RGS7BP: variants seen among roughly 807,000 people sequenced by gnomAD.
RGS7BP encodes regulator of G protein signaling 7 binding protein.
A neutral mutation model predicts 31.3 loss-of-function variants in RGS7BP; 9 were observed. The observed-to-expected ratio is 0.29, with a 90% CI of 0.17 to 0.50. RGS7BP has a LOEUF of 0.50. RGS7BP is among the 20% of genes least tolerant of loss of function. The pLI is 0.98. For missense variants in RGS7BP, 274 were observed against 322.0 expected, an observed-to-expected ratio of 0.85 and a Z score of 1.14; for synonymous variants, 115 against 120.1, an observed-to-expected ratio of 0.96 and a Z score of 0.28.
Position 64,579,799 on chromosome 5 carries a change from A to G in RGS7BP, c.463+3895A>G, listed in dbSNP as rs527476158. On this transcript the variant is annotated intron_variant, in intron 3 of 5. Coordinates refer to ENST00000334025, the MANE Select transcript of RGS7BP (RefSeq NM_001029875.3). ...TTTAATTTTTTAGTTACACATTTGTATGATACATCCTTTCTATTTCTTTAT... is the reference window on the plus strand; with the variant it reads ...TTTAATTTTTTAGTTACACATTTGTGTGATACATCCTTTCTATTTCTTTAT... Among the ~76,000 whole-genome samples the G allele has an allele frequency of 3.3e-5, 5 of 152,268 alleles. No homozygotes were observed. In the South Asian group the frequency reaches 1.0e-3, roughly 32 times the overall value.
chr5:64,556,757 G>A (rs1047087479), intron 2 of RGS7BP, among the ~76,000 whole-genome samples: 2 of 151,452 alleles, frequency 1.3e-5, no homozygotes. Flanking sequence ...CTTTATCCCT[G>A]CTATTATTTT....
chr5:64,538,485 AT>A (rs199619865), intron 2 of RGS7BP, among the ~76,000 whole-genome samples: 16 of 56,998 alleles, frequency 2.8e-4, no homozygotes, highest in African/African-American at 7.8e-4. Context: ...GCATGTAGCC[AT>A]TTTTTTTCCT....
chr5:64,526,648 G>A (rs1272459644), intron 2 of RGS7BP, among the ~76,000 whole-genome samples: 2 of 152,142 alleles, frequency 1.3e-5, no homozygotes, highest in African/African-American at 4.8e-5. Flanking sequence ...TACCTCTGTA[G>A]GACAGTTAGG....
At chr5:64,507,680 G>T in intron 1 of RGS7BP, 31 bp from the exon 2 acceptor site, 1 of 1,467,554 alleles carries the variant, frequency 6.8e-7, no homozygotes, top group Non-Finnish European at 9.3e-7. Flanking sequence ...GAAATGTTTG[G>T]TAAAAAAAAA....
intron 2 of RGS7BP, among the ~76,000 whole-genome samples, chr5:64,516,330 G>A (rs1052756018): frequency 1.3e-5 from 2 of 152,086 alleles, no homozygotes; most frequent in African/African-American, 4.8e-5. Flanking sequence ...AAGGTACCAA[G>A]TCCTGTAGTG....
intron 2 of RGS7BP, among the ~76,000 whole-genome samples, chr5:64,563,155 G>GGTA (rs1742092778): frequency 2.0e-5 from 3 of 151,822 alleles, no homozygotes; most frequent in Non-Finnish European, 4.4e-5. Context: ...GGGTAGAAAG[G>GGTA]GAAAGTAGGG....
At chr5:64,545,656 A>C (rs1741641788) in intron 2 of RGS7BP, among the ~76,000 whole-genome samples, 1 of 152,234 alleles carries the variant, frequency 6.6e-6, no homozygotes, top group Non-Finnish European at 1.5e-5. Flanking sequence ...AGTATAATTC[A>C]AATGGTAGAT....
At chr5:64,517,800 T>C (rs1749013363) in intron 2 of RGS7BP, among the ~76,000 whole-genome samples, 1 of 152,210 alleles carries the variant, frequency 6.6e-6, no homozygotes, top group Non-Finnish European at 1.5e-5. Flanking sequence ...GACTTAAGTA[T>C]AATTTTCACA....
chr5:64,572,960 C>A, intron 2 of RGS7BP, among the ~76,000 whole-genome samples: 1 of 94,118 alleles, frequency 1.1e-5, no homozygotes, highest in Non-Finnish European at 2.0e-5. Flanking sequence ...TAATGCTATC[C>A]CTCCCCCCTC....
rs753709724 is a variant in RGS7BP at position 64,587,538 on chromosome 5, G to A, written c.464-7172G>A. Among the ~76,000 whole-genome samples, 17 of 152,134 alleles carry A rather than the reference G, an allele frequency of 1.1e-4. 1 individual carries two copies. Among genetic ancestry groups the A allele is most frequent in the Non-Finnish European group, 2.4e-4 (16 of 68,038 alleles). On this transcript the variant is annotated intron_variant, in intron 3 of 5. Coordinates refer to ENST00000334025, the MANE Select transcript of RGS7BP (RefSeq NM_001029875.3). ...ATGCTCAAAATTGCATTAAGGAAAA[G>A]CTGGGCTACCCCACACTGAGCAGCA...
chr5:64,561,324 A>T (rs1742049475), intron 2 of RGS7BP, among the ~76,000 whole-genome samples: 1 of 152,214 alleles, frequency 6.6e-6, no homozygotes, highest in Non-Finnish European at 1.5e-5. Context: ...ACAATATTTT[A>T]TAAAATGTAT....
chr5:64,553,716 TA>T lies in RGS7BP; in HGVS notation c.333-22056del, dbSNP rs551698806. On this transcript the variant is annotated intron_variant, in intron 2 of 5. Transcript: ENST00000334025. ...AAATATTAATAATATCTATACATCA[TA>T]AGGTCTGTGTAAGATTGAGTGAGAT... Among the ~76,000 whole-genome samples, 275 of 152,176 alleles carry T rather than the reference TA, an allele frequency of 1.8e-3. 1 individual carries two copies. The highest frequency in any genetic ancestry group is 6.3e-3 in the African/African-American group (261 of 41,526).
chr5:64,587,687 G>T (rs1239995292), intron 3 of RGS7BP, among the ~76,000 whole-genome samples: 1 of 152,148 alleles, frequency 6.6e-6, no homozygotes, highest in East Asian at 1.9e-4. Flanking sequence ...GAAAAAGAAA[G>T]TGAGCACATG....
intron 5 of RGS7BP, among the ~76,000 whole-genome samples, chr5:64,598,958 A>G (rs1743150338): frequency 6.6e-6 from 1 of 152,236 alleles, no homozygotes; most frequent in Admixed American, 6.5e-5. Flanking sequence ...AAGGTCACAC[A>G]GACTGTAAGT....
At chr5:64,521,678 C>T (rs978022070) in intron 2 of RGS7BP, among the ~76,000 whole-genome samples, 1 of 152,140 alleles carries the variant, frequency 6.6e-6, no homozygotes, top group Non-Finnish European at 1.5e-5. Context: ...AAGAATAAAC[C>T]ATTTTCCCTT....
intron 3 of RGS7BP, among the ~76,000 whole-genome samples, chr5:64,593,932 C>A (rs535127923): frequency 2.0e-5 from 3 of 152,246 alleles, no homozygotes; most frequent in African/African-American, 7.2e-5. Context: ...TGTGCCTAGG[C>A]CATACGACAT....
intron 2 of RGS7BP, among the ~76,000 whole-genome samples, chr5:64,530,875 A>C (rs1332115968): frequency 6.6e-6 from 1 of 152,176 alleles, no homozygotes; most frequent in Non-Finnish European, 1.5e-5. Context: ...TCACATGGGG[A>C]AACAAGAGAA....
chr5:64,581,965 T>C (rs1742611359), intron 3 of RGS7BP, among the ~76,000 whole-genome samples: 1 of 152,254 alleles, frequency 6.6e-6, no homozygotes, highest in African/African-American at 2.4e-5. Flanking sequence ...TACTGAGTTA[T>C]ATCAGATAGA....
intron 2 of RGS7BP, among the ~76,000 whole-genome samples, chr5:64,557,478 CAA>C (rs1741955573): frequency 6.6e-6 from 1 of 152,184 alleles, no homozygotes; most frequent in East Asian, 1.9e-4. Flanking sequence ...CCAAGACAGA[CAA>C]GAGCTGTCTT....
Sources: gnomAD v4.1 joint callset for allele counts (sites outside exome capture counted in the v4.1 genomes callset) on GRCh38, gnomAD v4.1.1 for gene constraint, MANE v1.5 for transcripts, NCBI Gene and HGNC (gene_info 2026-07-23, HGNC 2026-07-21) for gene names.